NOL10: variants seen among roughly 807,000 people sequenced by gnomAD.
The protein encoded by NOL10 is nucleolar protein 10.
In NOL10, 58 loss-of-function variants were observed where a neutral mutation model predicts 103.5. The ratio of observed to expected loss-of-function variants is 0.56; its 90% CI spans 0.45 to 0.70. The LOEUF (loss-of-function observed/expected upper bound fraction) is 0.70, where lower values mean the gene tolerates loss of function less well. Ranked by LOEUF, NOL10 falls within the 30% of genes least tolerant of loss-of-function variation. The pLI, the probability that NOL10 is intolerant of heterozygous loss-of-function variation, is 0.00. For synonymous variants in NOL10, 287 were observed against 282.5 expected (o/e 1.02, Z -0.16); for missense variants, 763 against 807.3 (o/e 0.95, Z 0.67).
intron 12 of NOL10, among the ~76,000 whole-genome samples, chr2:10,646,047 G>A (rs1283280201): frequency 2.0e-5 from 3 of 152,088 alleles, no homozygotes; most frequent in African/African-American, 7.2e-5. Flanking sequence ...AACAAAGTCA[G>A]AGCTGTTTTT....
intron 15 of NOL10, 99 bp from the exon 16 acceptor site, chr2:10,602,973 C>A: frequency 3.3e-6 from 4 of 1,203,514 alleles, no homozygotes; most frequent in East Asian, 4.9e-5. Flanking sequence ...CAGGCAGATC[C>A]CCTACAAATC....
Position 10,589,835 on chromosome 2 carries a change from CTATTATAAGTTA to C in NOL10, c.1423-96_1423-85del, listed in dbSNP as rs1378879210. On this transcript the variant is annotated intron_variant, in intron 17 of 20. Coordinates refer to ENST00000381685, the MANE Select transcript of NOL10 (RefSeq NM_024894.4). ...GAAACATGGTTTTAAAACACTGATT[CTATTATAAGTTA>C]ATAAGCGGCATGAGGCATACATTAT... 4.8e-6 allele frequency: 4 copies of C among 824,916 alleles called. No individual in the cohort carries two copies. In the East Asian group the frequency reaches 1.2e-4, roughly 24 times the overall value. 51.1% of individuals were successfully genotyped at this position (824,916 alleles called of 1,614,324 possible).
rs1448481515 is a variant in NOL10 at position 10,664,290 on chromosome 2, T to C, written c.592-1246A>G. 5.4e-4 allele frequency among the ~76,000 whole-genome samples: 82 copies of C among 152,020 alleles called. 1 individual carries two copies. The highest frequency in any genetic ancestry group is 2.1e-4 in the South Asian group (1 of 4,822). On this transcript the variant is annotated intron_variant, in intron 8 of 20. Transcript: ENST00000381685. ...CTAAAAATACAAAATTAGCTGGGCA[T>C]GGTGGCAGGTGCTTGTAATCCCAGC... is the stretch of plus-strand genomic sequence containing the variant.
chr2:10,595,594 TTTTG>T (rs1290911672), intron 17 of NOL10, among the ~76,000 whole-genome samples: 4 of 77,670 alleles, frequency 5.1e-5, no homozygotes, highest in South Asian at 3.9e-4. Context: ...TTTTGTTTTG[TTTTG>T]TTTTTGTTTG....
intron 3 of NOL10, among the ~76,000 whole-genome samples, chr2:10,677,474 T>A: frequency 1.3e-5 from 2 of 151,232 alleles, no homozygotes; most frequent in East Asian, 3.9e-4. Context: ...GTGTTTTTTT[T>A]TTTTTTCCTT....
At position 10,664,114 on chromosome 2, in the gene NOL10, G is replaced by A. The variant is rs150331994; in HGVS notation, c.592-1070C>T. Among the ~76,000 whole-genome samples, 78 of 147,122 alleles carry A rather than the reference G, an allele frequency of 5.3e-4. 2 individuals are homozygous for A. The East Asian group carries it at 0.014, about 26-fold the overall frequency. The stretch of plus-strand genomic sequence containing the variant: ...TGCCTAGGCAACAGAGAGAGACTCC[G>A]TCTAAAAAAAAAAAAAACCCAAAAA... On this transcript the variant is annotated intron_variant, in intron 8 of 20. Coordinates refer to ENST00000381685, the MANE Select transcript of NOL10 (RefSeq NM_024894.4).
intron 13 of NOL10, among the ~76,000 whole-genome samples, chr2:10,612,549 C>A (rs1676626175): frequency 6.6e-6 from 1 of 152,126 alleles, no homozygotes; most frequent in Non-Finnish European, 1.5e-5. Context: ...GTATCCCAGG[C>A]TGGAGTACAG....
At position 10,689,911 on chromosome 2, in the gene NOL10, TCGAGCACCGTAATCC is replaced by T; in HGVS notation, c.-65_-51del. Reference sequence around the variant, plus strand: ...CCCGGGTCCTTTCCCACCAGCGTGCTCGAGCACCGTAATCCCGGGACCTCCGAGCCCCTGCTCCGC... The same window carrying T: ...CCCGGGTCCTTTCCCACCAGCGTGCTCGGGACCTCCGAGCCCCTGCTCCGC... On this transcript the variant is annotated 5_prime_UTR_variant, in exon 1 of 21. Coordinates refer to ENST00000381685, the MANE Select transcript of NOL10 (RefSeq NM_024894.4). 6.5e-7 allele frequency: 1 copy of T among 1,545,300 alleles called. No homozygotes were observed. Among genetic ancestry groups the T allele is most frequent in the South Asian group, 1.2e-5 (1 of 84,694 alleles).
chr2:10,607,150 A>G, intron 14 of NOL10, 35 bp downstream of exon 14: 1 of 1,410,104 alleles, frequency 7.1e-7, no homozygotes, highest in Admixed American at 2.2e-5. Context: ...GAAATAAAGT[A>G]ATTACATAAT....
chr2:10,600,536 T>C (rs925870718), intron 17 of NOL10, among the ~76,000 whole-genome samples: 2 of 152,228 alleles, frequency 1.3e-5, no homozygotes, highest in African/African-American at 2.4e-5. Flanking sequence ...CCTGTGTTAT[T>C]TTAAAGAATC....
intron 20 of NOL10, among the ~76,000 whole-genome samples, chr2:10,574,234 CTTCT>C (rs1303696771): frequency 6.6e-6 from 1 of 152,218 alleles, no homozygotes; most frequent in African/African-American, 2.4e-5. Context: ...CTCAGAACTC[CTTCT>C]AACACTCCCT....
chr2:10,586,135 G>A (rs1417928348), intron 19 of NOL10, among the ~76,000 whole-genome samples: 1 of 152,218 alleles, frequency 6.6e-6, no homozygotes, highest in African/African-American at 2.4e-5. Context: ...GTAAATGTGG[G>A]GTGACTGCCC....
intron 13 of NOL10, among the ~76,000 whole-genome samples, chr2:10,630,383 A>C (rs911943239): frequency 2.6e-5 from 4 of 152,236 alleles, no homozygotes; most frequent in African/African-American, 9.6e-5. Context: ...AATGCTTTTT[A>C]GATCCAGCTG....
chr2:10,577,498 A>T (rs932149260), intron 20 of NOL10, 138 bp downstream of exon 20: 1 of 638,218 alleles, frequency 1.6e-6, no homozygotes, highest in African/African-American at 1.9e-5. Flanking sequence ...GTTGCAAGGA[A>T]AATGTTAGAA....
chr2:10,646,859 T>TA (rs1679104985), intron 12 of NOL10, among the ~76,000 whole-genome samples: 1 of 152,140 alleles, frequency 6.6e-6, no homozygotes, highest in South Asian at 2.1e-4. Context: ...GAAACCATTT[T>TA]AAAAAAGTCA....
chr2:10,669,110 G>C (rs1286475015), intron 6 of NOL10, among the ~76,000 whole-genome samples: 2 of 150,970 alleles, frequency 1.3e-5, no homozygotes, highest in Non-Finnish European at 3.0e-5. Context: ...TTTTGTTTTT[G>C]ATATGGGGTT....
chr2:10,635,246 T>G (rs1052064028), intron 13 of NOL10, among the ~76,000 whole-genome samples: 1 of 152,262 alleles, frequency 6.6e-6, no homozygotes, highest in Non-Finnish European at 1.5e-5. Flanking sequence ...TGTGGAGTCA[T>G]GTTGGCACTC....
intron 13 of NOL10, among the ~76,000 whole-genome samples, chr2:10,638,483 CTTT>C (rs869294782): frequency 3.0e-4 from 23 of 77,772 alleles, no homozygotes; most frequent in African/African-American, 1.1e-3. Context: ...GCTGAATTCC[CTTT>C]TTTTTTTTTT....
intron 17 of NOL10, among the ~76,000 whole-genome samples, chr2:10,594,837 T>C (rs1026161193): frequency 6.6e-6 from 1 of 151,840 alleles, no homozygotes; most frequent in Non-Finnish European, 1.5e-5. Context: ...CTAAAATATA[T>C]ACATACATAT....
Sources: allele counts gnomAD v4.1 joint callset (sites outside exome capture counted in the v4.1 genomes callset), GRCh38; gene constraint gnomAD v4.1.1; transcripts MANE v1.5; gene names NCBI Gene and HGNC (gene_info 2026-07-23, HGNC 2026-07-21).